PDGFRA: variants seen among roughly 807,000 people sequenced by gnomAD.
PDGFRA encodes the protein platelet-derived growth factor receptor alpha.
In PDGFRA, 25 loss-of-function variants were observed where a neutral mutation model predicts 121.5. The observed-to-expected ratio is 0.21, with a 90% CI of 0.15 to 0.29. The LOEUF (loss-of-function observed/expected upper bound fraction) is 0.29. Among genes scored for constraint, PDGFRA ranks in the 10% least tolerant of loss-of-function variants. The pLI is 1.00. For synonymous variants in PDGFRA, 463 were observed against 494.8 expected, an observed-to-expected ratio of 0.94 and a Z score of 0.85; for missense variants, 1,008 against 1,345.1, an observed-to-expected ratio of 0.75 and a Z score of 3.92.
At position 54,273,605 on chromosome 4, in the gene PDGFRA, C is replaced by T. The variant is rs1723531494; in HGVS notation, c.1433C>T (p.Ser478Phe). 1.2e-6 allele frequency: 2 copies of T among 1,614,102 alleles called. No individual in the cohort carries two copies. Residue 478 changes from serine to phenylalanine, a missense_variant, in exon 10 of 23, where the codon TCC becomes TTC. By Grantham distance (155) the Ser-to-Phe change is radical. Around this residue, in one of 5 missense-constraint regions of PDGFRA, gnomAD observed 575 missense variants for 701.8 expected, o/e 0.82. Transcript: ENST00000257290. The part of the protein sequence containing the change: ...NVSNIITEIH[S>F]RDRSTVEGRV... ...TCAAACATCATCACGGAGATCCACT[C>T]CCGAGACAGGAGTACCGTGGAGGGC...
At chr4:54,288,929 G>T (rs753439711) in intron 20 of PDGFRA, 31 bp downstream of exon 20, 4 of 1,563,148 alleles carry the variant, frequency 2.6e-6, no homozygotes, top group Non-Finnish European at 3.5e-6. Flanking sequence ...GGGGGCCTGT[G>T]TTCACAGTCT....
chr4:54,272,991 G>T (rs1206919054), intron 9 of PDGFRA, among the ~76,000 whole-genome samples: 4 of 152,196 alleles, frequency 2.6e-5, no homozygotes, highest in Non-Finnish European at 5.9e-5. Context: ...AGCCTCAGTT[G>T]TTTCTTCCTC....
chr4:54,259,613 T>C (rs570618716), intron 2 of PDGFRA, among the ~76,000 whole-genome samples: 1 of 152,230 alleles, frequency 6.6e-6, no homozygotes, highest in African/African-American at 2.4e-5. Context: ...TCTTCTATTC[T>C]GAGGAGTTAG....
At chr4:54,294,982 A>T in intron 22 of PDGFRA, 143 bp from the exon 23 acceptor site, 1 of 803,606 alleles carries the variant, frequency 1.2e-6, no homozygotes, top group East Asian at 2.6e-5. Flanking sequence ...CTACCACAGC[A>T]TGTCAGGCCT....
rs187699197 is a variant in PDGFRA, at chr4:54,239,319, G to A, written c.-13+9904G>A. Reference sequence around the variant, plus strand: ...AACTATAGGTATACTCACTCAAGCAGCCATGCAGTTGCTGTGCCCATGGAG... The same window carrying A: ...AACTATAGGTATACTCACTCAAGCAACCATGCAGTTGCTGTGCCCATGGAG... On this transcript the variant is annotated intron_variant, in intron 1 of 22. Coordinates refer to ENST00000257290, the MANE Select transcript of PDGFRA (RefSeq NM_006206.6). Among the ~76,000 whole-genome samples, 7 of 152,358 alleles carry A rather than the reference G, an allele frequency of 4.6e-5. No homozygotes were observed. The East Asian group carries it at 1.2e-3, about 25-fold the overall frequency.
chr4:54,272,687 G>T (rs909149222), intron 9 of PDGFRA, among the ~76,000 whole-genome samples, 167 bp downstream of exon 9: 1 of 152,100 alleles, frequency 6.6e-6, no homozygotes, highest in Non-Finnish European at 1.5e-5. Context: ...AAGGTCCAGG[G>T]CTCTCATTAG....
At chr4:54,246,489 G>A (rs1721672896) in intron 1 of PDGFRA, among the ~76,000 whole-genome samples, 2 of 152,124 alleles carry the variant, frequency 1.3e-5, no homozygotes, top group African/African-American at 4.8e-5. Flanking sequence ...ACGAAATGAA[G>A]GCAGAAATAA....
At chr4:54,264,390 G>A (rs984958535) in intron 4 of PDGFRA, 2 of 246,540 alleles carry the variant, frequency 8.1e-6, no homozygotes, top group African/African-American at 4.6e-5. Flanking sequence ...GATATTTCCT[G>A]AACACTATAT....
intron 1 of PDGFRA, among the ~76,000 whole-genome samples, chr4:54,245,790 C>A (rs937078640): frequency 1.1e-4 from 17 of 152,170 alleles, no homozygotes; most frequent in African/African-American, 4.1e-4. Flanking sequence ...AGAGTCAAGA[C>A]CCATCAGTGT....
chr4:54,264,109 G>C (rs1722907936), intron 4 of PDGFRA, 182 bp downstream of exon 4: 4 of 614,456 alleles, frequency 6.5e-6, no homozygotes, highest in Admixed American at 3.0e-5. Context: ...AATTACTAAA[G>C]GCCAAAGCTT....
At chr4:54,233,104 G>C (rs901707968) in intron 1 of PDGFRA, among the ~76,000 whole-genome samples, 2 of 151,768 alleles carry the variant, frequency 1.3e-5, no homozygotes, top group Non-Finnish European at 2.9e-5. Flanking sequence ...GGTCTCAGTT[G>C]AAAACAATGC....
chr4:54,231,948 C>T (rs188700600), intron 1 of PDGFRA, among the ~76,000 whole-genome samples: 1 of 152,238 alleles, frequency 6.6e-6, no homozygotes, highest in Admixed American at 6.5e-5. Context: ...GCTGCAAACA[C>T]GTCTGGCGCC....
At chr4:54,262,552 T>C (rs1214853502) in intron 3 of PDGFRA, among the ~76,000 whole-genome samples, 1 of 152,180 alleles carries the variant, frequency 6.6e-6, no homozygotes, top group Non-Finnish European at 1.5e-5. Flanking sequence ...CCTTTCTGCC[T>C]TTTCTTTTTC....
intron 16 of PDGFRA, among the ~76,000 whole-genome samples, chr4:54,284,376 G>T (rs576988611): frequency 6.6e-6 from 1 of 152,150 alleles, no homozygotes; most frequent in South Asian, 2.1e-4. Flanking sequence ...GGCTGTTTTT[G>T]CATTGCTATA....
chr4:54,251,244 CT>C (rs1176245597), intron 1 of PDGFRA, among the ~76,000 whole-genome samples: 2 of 152,076 alleles, frequency 1.3e-5, no homozygotes, highest in East Asian at 3.8e-4. Flanking sequence ...CCAAAACAAT[CT>C]TTTAATGACT....
chr4:54,236,902 A>G (rs564194627), intron 1 of PDGFRA, among the ~76,000 whole-genome samples: 1 of 152,156 alleles, frequency 6.6e-6, no homozygotes, highest in African/African-American at 2.4e-5. Context: ...TGGGGTTTGG[A>G]ATCTTAAGCA....
chr4:54,277,342 G>A (rs892271344), intron 12 of PDGFRA, 46 bp from the exon 13 acceptor site: 1 of 1,296,246 alleles, frequency 7.7e-7, no homozygotes, highest in Non-Finnish European at 1.1e-6. Context: ...GAAAGCTGAG[G>A]AGGCGTCTGG....
intron 22 of PDGFRA, among the ~76,000 whole-genome samples, chr4:54,294,824 A>G (rs1724798111): frequency 1.3e-5 from 2 of 152,258 alleles, no homozygotes; most frequent in African/African-American, 4.8e-5. Context: ...CCTTTGGATC[A>G]GGCATTGCTT....
rs922206804 is a variant in PDGFRA, at chr4:54,273,817, G to T, written c.1558+87G>T. Reference sequence around the variant, plus strand: ...TTGAATCCCAGATAGGGGTTATATAGAAATGAAGGTCCCAAGGCAGAAATT... The same window carrying T: ...TTGAATCCCAGATAGGGGTTATATATAAATGAAGGTCCCAAGGCAGAAATT... On this transcript the variant is annotated intron_variant, in intron 10 of 22. Transcript: ENST00000257290. 7.0e-6 allele frequency: 7 copies of T among 1,002,210 alleles called. No homozygotes were observed. The African/African-American group carries it at 1.1e-4, about 16-fold the overall frequency. The allele number at this position is 1,002,210 out of a possible 1,614,324, so 62.1% of individuals were successfully genotyped here. A position where few individuals can be genotyped will look rare whatever the true frequency, so the allele number is the denominator to read the frequency against.
Sources: gnomAD v4.1 joint callset for allele counts (sites outside exome capture counted in the v4.1 genomes callset) on GRCh38, gnomAD v4.1.1 for gene constraint, gnomAD v4.1.1 regional missense constraint, MANE v1.5 for transcripts, NCBI Gene and HGNC (gene_info 2026-07-23, HGNC 2026-07-21) for gene names.